Variants in FKBPL observed in about 807,000 individuals in gnomAD.
FKBPL encodes FKBP prolyl isomerase like.
In FKBPL, 31 loss-of-function variants were observed where a neutral mutation model predicts 27.9. That is an observed-to-expected ratio of 1.11 (90% CI 0.83 to 1.50). FKBPL has a LOEUF of 1.50. FKBPL is among the 40% of genes most tolerant of loss of function. The pLI is 0.00. For missense variants in FKBPL, 355 were observed against 425.9 expected, an observed-to-expected ratio of 0.83 and a Z score of 1.46; for synonymous variants, 134 against 169.5, an observed-to-expected ratio of 0.79 and a Z score of 1.63.
chr6:32,129,274 T>A lies in FKBPL; in HGVS notation c.507A>T (p.Gln169His). Residue 169 changes from glutamine to histidine, a missense_variant, in exon 2 of 2, where the codon CAA (glutamine) becomes CAT (histidine). Coordinates refer to ENST00000375156, the MANE Select transcript of FKBPL (RefSeq NM_022110.4). The surrounding 1 kb of genome is among the most constrained non-coding windows in gnomAD (Gnocchi z 4.5). Reference protein sequence around the residue: ...LIEKCLESMCQGEEAELQLPG... With the variant: ...LIEKCLESMCHGEEAELQLPG... ...GCAGCTGAAGCTCTGCTTCCTCACCTTGACACATGGACTCCAAGCATTTCT... is the reference window on the plus strand; with the variant it reads ...GCAGCTGAAGCTCTGCTTCCTCACCATGACACATGGACTCCAAGCATTTCT... 6.2e-7 allele frequency: 1 copy of A among 1,614,270 alleles called. No homozygotes were observed. The highest frequency in any genetic ancestry group is 8.5e-7 in the Non-Finnish European group (1 of 1,180,052).
Position 32,129,313 on chromosome 6 carries a change from C to G in FKBPL, c.468G>C (p.Trp156Cys), listed in dbSNP as rs760772781. The change falls in exon 2 of 2, where the codon TGG (tryptophan) becomes TGC (cysteine). Residue 156 changes from tryptophan to cysteine, a missense_variant. Physicochemically the swap from Trp to Cys is radical, Grantham distance 215. Coordinates refer to ENST00000375156, the MANE Select transcript of FKBPL (RefSeq NM_022110.4). The surrounding 1 kb of genome is among the most constrained non-coding windows in gnomAD (Gnocchi z 4.5). ...CCAAGCATTTCTCTATGAGCTCCCC[C>G]CAAGTTTCCTCCCTCCATGGCCCTA... ...MGVGPWREET[W>C]GELIEKCLES... The G allele has an allele frequency of 8.7e-6, 14 of 1,614,260 alleles. No homozygotes were observed. The Middle Eastern group carries it at 4.9e-4, about 57-fold the overall frequency.
At position 32,129,325 on chromosome 6, in the gene FKBPL, C is replaced by T. The variant is rs765735419; in HGVS notation, c.456G>A (p.Arg152=). Residue 152 remains arginine (R), a synonymous_variant, in exon 2 of 2, where the codon AGG becomes AGA. Transcript: ENST00000375156. The surrounding 1 kb of genome is among the most constrained non-coding windows in gnomAD (Gnocchi z 4.5). ...TELTMGVGPW[R]EETWGELIEK... ...CTATGAGCTCCCCCCAAGTTTCCTCCCTCCATGGCCCTACGCCCATAGTTA... is the reference window on the plus strand; with the variant it reads ...CTATGAGCTCCCCCCAAGTTTCCTCTCTCCATGGCCCTACGCCCATAGTTA... 5.0e-6 allele frequency: 8 copies of T among 1,614,252 alleles called. No homozygotes were observed. The highest frequency in any genetic ancestry group is 1.7e-6 in the Non-Finnish European group (2 of 1,180,040).
In FKBPL at chr6:32,129,730, C is replaced by G; in HGVS notation, c.51G>C (p.Pro17=). 6.2e-7 allele frequency: 1 copy of G among 1,614,122 alleles called. No individual in the cohort carries two copies. The highest frequency in any genetic ancestry group is 8.5e-7 in the Non-Finnish European group (1 of 1,180,018). The change falls in exon 2 of 2, where the codon CCG becomes CCC. Residue 17 remains proline (P), a synonymous_variant. Transcript: ENST00000375156. This position sits in a 1 kb window ranked among gnomAD's most constrained non-coding sequence, Gnocchi z 4.5. ...NTIGEKDTSQ[P]QQEWEKNLRE... ...GAAGGTTCTTTTCCCACTCTTGTTGCGGCTGAGAGGTGTCCTTTTCTCCAA... is the reference window on the plus strand; with the variant it reads ...GAAGGTTCTTTTCCCACTCTTGTTGGGGCTGAGAGGTGTCCTTTTCTCCAA...
chr6:32,129,495 G>C lies in FKBPL; in HGVS notation c.286C>G (p.Leu96Val), dbSNP rs756787721. The change falls in exon 2 of 2, where the codon CTC (leucine) becomes GTC (valine). Residue 96 changes from leucine to valine, a missense_variant. Leu to Val is a conservative substitution (Grantham distance 32). Transcript: ENST00000375156. The surrounding 1 kb of genome is among the most constrained non-coding windows in gnomAD (Gnocchi z 4.5). The part of the protein sequence containing the change: ...QMPEALQASD[L>V]WYCPDGSFVK... ...AAGCTCCCATCGGGGCAGTACCAGA[G>C]ATCAGAAGCTTGAAGGGCCTCTGGC... 10 of 1,614,116 alleles carry C rather than the reference G, an allele frequency of 6.2e-6. No individual in the cohort carries two copies. Among genetic ancestry groups the C allele is most frequent in the Non-Finnish European group, 8.5e-6 (10 of 1,180,064 alleles).
At position 32,129,722 on chromosome 6, in the gene FKBPL, T is replaced by C; in HGVS notation, c.59A>G (p.Glu20Gly). ...GEKDTSQPQQEWEKNLRENLD... is the reference protein window; with the variant it reads ...GEKDTSQPQQGWEKNLRENLD... ...GTTCTCCCGAAGGTTCTTTTCCCACTCTTGTTGCGGCTGAGAGGTGTCCTT... is the reference window on the plus strand; with the variant it reads ...GTTCTCCCGAAGGTTCTTTTCCCACCCTTGTTGCGGCTGAGAGGTGTCCTT... Residue 20 changes from glutamate to glycine, a missense_variant, in exon 2 of 2, where the codon GAG becomes GGG. Physicochemically the swap from Glu to Gly is moderately conservative, Grantham distance 98. Transcript: ENST00000375156. This position sits in a 1 kb window ranked among gnomAD's most constrained non-coding sequence, Gnocchi z 4.5. 1 of 1,614,156 alleles carries C rather than the reference T, an allele frequency of 6.2e-7. No individual in the cohort carries two copies. Among genetic ancestry groups the C allele is most frequent in the Non-Finnish European group, 8.5e-7 (1 of 1,180,034 alleles).
chr6:32,129,340 GC>G lies in FKBPL; in HGVS notation c.440del (p.Gly147AlafsTer2). 6.2e-7 allele frequency: 1 copy of G among 1,614,194 alleles called. No homozygotes were observed. The highest frequency in any genetic ancestry group is 8.5e-7 in the Non-Finnish European group (1 of 1,180,032). On this transcript the variant is annotated frameshift_variant, in exon 2 of 2. Transcript: ENST00000375156. LOFTEE classifies it high-confidence loss of function. This position sits in a 1 kb window ranked among gnomAD's most constrained non-coding sequence, Gnocchi z 4.5. The part of the protein sequence containing the change: ...PPEGWTELTM[G>X]VGPWREETWG... ...AAGTTTCCTCCCTCCATGGCCCTAC[GC>G]CCATAGTTAGCTCTGTCCAGCCCTC...
In FKBPL at chr6:32,130,117, ATGG is replaced by A; in HGVS notation, c.-100_-98del. 2.4e-6 allele frequency: 1 copy of A among 419,430 alleles called. No homozygotes were observed. The highest frequency in any genetic ancestry group is 4.3e-6 in the Non-Finnish European group (1 of 230,064). The allele number at this position is 419,430 out of a possible 1,614,324, so 26.0% of individuals were successfully genotyped here. ...TACCTGCGCGGCCAAAGTGCCTAGC[ATGG>A]TGACAGGAGGAGCCGGGCCATTCGA... On this transcript the variant is annotated 5_prime_UTR_variant, in exon 1 of 2. The change creates a new upstream start codon in the 5' untranslated region. Transcript: ENST00000375156.
At position 32,129,410 on chromosome 6, in the gene FKBPL, C is replaced by T; in HGVS notation, c.371G>A (p.Cys124Tyr). ...GLDKPKLGSCCRVLALGFPFG... is the reference protein window; with the variant it reads ...GLDKPKLGSCYRVLALGFPFG... ...AGGAAACCCCAAAGCCAGTACCCGG[C>T]AGCAGGAGCCTAGTTTGGGTTTGTC... The change falls in exon 2 of 2, where the codon TGC becomes TAC. Residue 124 changes from cysteine to tyrosine, a missense_variant. Physicochemically the swap from Cys to Tyr is radical, Grantham distance 194 (BLOSUM62 -2). Transcript: ENST00000375156. This position sits in a 1 kb window ranked among gnomAD's most constrained non-coding sequence, Gnocchi z 4.5. 6.2e-7 allele frequency: 1 copy of T among 1,614,252 alleles called. No homozygotes were observed. Among genetic ancestry groups the T allele is most frequent in the Non-Finnish European group, 8.5e-7 (1 of 1,180,052 alleles).
chr6:32,130,066 T>C, intron 1 of FKBPL, 29 bp downstream of exon 1: 1 of 558,736 alleles, frequency 1.8e-6, no homozygotes, highest in Non-Finnish European at 3.2e-6. Flanking sequence ...CCGCGCCAAC[T>C]ACGGACACCC....
Position 32,128,823 on chromosome 6 carries a change from G to A in FKBPL, c.958C>T (p.Arg320Trp), listed in dbSNP as rs773168673. ...TTCCCCAGTTCCTCCTGGGCTGCCC[G>A]GTTTTTGGGATCTATCGCCAGCACC... ...KKVLAIDPKN[R>W]AAQEELGKVV... The change falls in exon 2 of 2, where the codon CGG becomes TGG. Residue 320 changes from arginine to tryptophan, a missense_variant. Arg to Trp is a moderately radical substitution (Grantham distance 101). Transcript: ENST00000375156. 7 of 1,614,210 alleles carry A rather than the reference G, an allele frequency of 4.3e-6. No individual in the cohort carries two copies. The highest frequency in any genetic ancestry group is 4.2e-6 in the Non-Finnish European group (5 of 1,180,052).
chr6:32,129,173 G>C lies in FKBPL; in HGVS notation c.608C>G (p.Thr203Ser). 2 of 1,614,246 alleles carry C rather than the reference G, an allele frequency of 1.2e-6. No homozygotes were observed. Among genetic ancestry groups the C allele is most frequent in the Non-Finnish European group, 1.7e-6 (2 of 1,180,042 alleles). Residue 203 changes from threonine to serine, a missense_variant, in exon 2 of 2, where the codon ACT (threonine) becomes AGT (serine). Physicochemically the swap from Thr to Ser is moderately conservative, Grantham distance 58 (BLOSUM62 1). Coordinates refer to ENST00000375156, the MANE Select transcript of FKBPL (RefSeq NM_022110.4). This position sits in a 1 kb window ranked among gnomAD's most constrained non-coding sequence, Gnocchi z 4.5. Reference protein sequence around the residue: ...TQGRDSWELETSEKEALAREE... With the variant: ...TQGRDSWELESSEKEALAREE... Reference sequence around the variant, plus strand: ...CCTGGCCAGGGCTTCCTTCTCGCTAGTCTCCAGCTCCCAGGAGTCTCGGCC... The same window carrying C: ...CCTGGCCAGGGCTTCCTTCTCGCTACTCTCCAGCTCCCAGGAGTCTCGGCC...
Position 32,128,723 on chromosome 6 carries a change from A to C in FKBPL, c.*8T>G, listed in dbSNP as rs756058814. ...AAGTTCCTGTCTCTTTTAAGGTTTA[A>C]CTTTTAATCAGCCAAACATCTTGCG... On this transcript the variant is annotated 3_prime_UTR_variant, in exon 2 of 2. Coordinates refer to ENST00000375156, the MANE Select transcript of FKBPL (RefSeq NM_022110.4). The C allele has an allele frequency of 1.2e-6, 2 of 1,613,840 alleles. No homozygotes were observed. Among genetic ancestry groups the C allele is most frequent in the Non-Finnish European group, 8.5e-7 (1 of 1,179,920 alleles).
In FKBPL at chr6:32,128,792, A is replaced by C; in HGVS notation, c.989T>G (p.Val330Gly). 2 of 1,614,172 alleles carry C rather than the reference A, an allele frequency of 1.2e-6. No individual in the cohort carries two copies. The highest frequency in any genetic ancestry group is 8.5e-7 in the Non-Finnish European group (1 of 1,180,020). The change falls in exon 2 of 2, where the codon GTC (valine) becomes GGC (glycine). Residue 330 changes from valine to glycine, a missense_variant. By Grantham distance (109) the Val-to-Gly change is moderately radical. Transcript: ENST00000375156. ...RAAQEELGKV[V>G]IQGKNQDAGL... Reference sequence around the variant, plus strand: ...TGCATCCTGGTTCTTCCCCTGAATGACCACCTTCCCCAGTTCCTCCTGGGC... The same window carrying C: ...TGCATCCTGGTTCTTCCCCTGAATGCCCACCTTCCCCAGTTCCTCCTGGGC...
Position 32,129,317 on chromosome 6 carries a change from G to A in FKBPL, c.464C>T (p.Thr155Ile), listed in dbSNP as rs1242854907. Residue 155 changes from threonine to isoleucine, a missense_variant, in exon 2 of 2, where the codon ACT becomes ATT. Transcript: ENST00000375156. This position sits in a 1 kb window ranked among gnomAD's most constrained non-coding sequence, Gnocchi z 4.5. ...TMGVGPWREETWGELIEKCLE... is the reference protein window; with the variant it reads ...TMGVGPWREEIWGELIEKCLE... ...GCATTTCTCTATGAGCTCCCCCCAAGTTTCCTCCCTCCATGGCCCTACGCC... is the reference window on the plus strand; with the variant it reads ...GCATTTCTCTATGAGCTCCCCCCAAATTTCCTCCCTCCATGGCCCTACGCC... The A allele has an allele frequency of 2.5e-6, 4 of 1,614,182 alleles. No homozygotes were observed. The highest frequency in any genetic ancestry group is 3.4e-6 in the Non-Finnish European group (4 of 1,180,040).
chr6:32,129,226 G>C lies in FKBPL; in HGVS notation c.555C>G (p.Val185=). The C allele has an allele frequency of 6.2e-7, 1 of 1,614,234 alleles. No individual in the cohort carries two copies. The highest frequency in any genetic ancestry group is 8.5e-7 in the Non-Finnish European group (1 of 1,180,042). Reference sequence around the variant, plus strand: ...GAGTGAAGGATGCCAGTGTGAGCCTGACAGGAGGTCCAGAGTGCCCAGGCA... The same window carrying C: ...GAGTGAAGGATGCCAGTGTGAGCCTCACAGGAGGTCCAGAGTGCCCAGGCA... ...LQLPGHSGPP[V]RLTLASFTQG... The change falls in exon 2 of 2, where the codon GTC becomes GTG. Residue 185 remains valine (V), a synonymous_variant. Transcript: ENST00000375156. The surrounding 1 kb of genome is among the most constrained non-coding windows in gnomAD (Gnocchi z 4.5).
Position 32,128,939 on chromosome 6 carries a change from C to T in FKBPL, c.842G>A (p.Arg281Gln). 2.5e-6 allele frequency: 4 copies of T among 1,614,088 alleles called. No individual in the cohort carries two copies. Among genetic ancestry groups the T allele is most frequent in the South Asian group, 1.1e-5 (1 of 91,074 alleles). The change falls in exon 2 of 2, where the codon CGG becomes CAG. Residue 281 changes from arginine (R) to glutamine (Q), a missense_variant. Coordinates refer to ENST00000375156, the MANE Select transcript of FKBPL (RefSeq NM_022110.4). The stretch of plus-strand genomic sequence containing the variant: ...TAAGGCCTTTAAATGGCCAGGCTCC[C>T]GCTCCAACACCCGGTCACAGCTCTG... ...AAQSCDRVLE[R>Q]EPGHLKALYR...
chr6:32,129,457 G>A lies in FKBPL; in HGVS notation c.324C>T (p.Ile108=). 1 of 1,614,202 alleles carries A rather than the reference G, an allele frequency of 6.2e-7. No homozygotes were observed. Among genetic ancestry groups the A allele is most frequent in the Non-Finnish European group, 8.5e-7 (1 of 1,180,048 alleles). ...TGTCCAAGCCATGGCCACGGATTAC[G>A]ATCTTCTTGACAAAGCTCCCATCGG... ...YCPDGSFVKK[I]VIRGHGLDKP... is the part of the protein sequence containing the mutation. Residue 108 remains isoleucine, a synonymous_variant, in exon 2 of 2, where the codon ATC becomes ATT. Transcript: ENST00000375156. This position sits in a 1 kb window ranked among gnomAD's most constrained non-coding sequence, Gnocchi z 4.5.
Position 32,129,137 on chromosome 6 carries a change from G to A in FKBPL, c.644C>T (p.Ala215Val), listed in dbSNP as rs1782133731. Residue 215 changes from alanine to valine, a missense_variant, in exon 2 of 2, where the codon GCA (alanine) becomes GTA (valine). Coordinates refer to ENST00000375156, the MANE Select transcript of FKBPL (RefSeq NM_022110.4). This position sits in a 1 kb window ranked among gnomAD's most constrained non-coding sequence, Gnocchi z 4.5. ...AGCTCGAAATAGTTCTGTGCCCCTT[G>A]CACGTTCTTCCCTGGCCAGGGCTTC... ...EKEALAREERARGTELFRAGN... is the reference protein window; with the variant it reads ...EKEALAREERVRGTELFRAGN... 1.2e-6 allele frequency: 2 copies of A among 1,614,228 alleles called. No homozygotes were observed. The highest frequency in any genetic ancestry group is 2.7e-5 in the African/African-American group (2 of 75,054).
chr6:32,129,186 A>T lies in FKBPL; in HGVS notation c.595T>A (p.Trp199Arg). ...LASFTQGRDS[W>R]ELETSEKEAL... ...TCCTTCTCGCTAGTCTCCAGCTCCC[A>T]GGAGTCTCGGCCTTGAGTGAAGGAT... Residue 199 changes from tryptophan to arginine, a missense_variant, in exon 2 of 2, where the codon TGG (tryptophan) becomes AGG (arginine). Transcript: ENST00000375156. The surrounding 1 kb of genome is among the most constrained non-coding windows in gnomAD (Gnocchi z 4.5). 6.2e-7 allele frequency: 1 copy of T among 1,614,208 alleles called. No individual in the cohort carries two copies.
Sources: allele counts gnomAD v4.1 joint callset, GRCh38; gene constraint gnomAD v4.1.1; non-coding constraint Gnocchi (gnomAD v3.1); transcripts MANE v1.5; gene names NCBI Gene and HGNC (gene_info 2026-07-23, HGNC 2026-07-21).